DCTN5: variants seen among roughly 807,000 people sequenced by gnomAD.
DCTN5 encodes dynactin 4.
Under a neutral mutation model 23.5 loss-of-function variants are expected in DCTN5, and 14 were observed. The observed-to-expected ratio is 0.60, with a 90% CI of 0.39 to 0.93. DCTN5 has a LOEUF of 0.93. Among genes scored for constraint, DCTN5 ranks in the 40% least tolerant of loss-of-function variants. The pLI is 0.00. For missense variants in DCTN5, 156 were observed against 225.9 expected, an observed-to-expected ratio of 0.69 and a Z score of 1.98; for synonymous variants, 67 against 79.6, an observed-to-expected ratio of 0.84 and a Z score of 0.84.
chr16:23,663,790 C>T (rs1169846673), intron 4 of DCTN5, among the ~76,000 whole-genome samples: 3 of 152,100 alleles, frequency 2.0e-5, no homozygotes, highest in African/African-American at 7.2e-5. Context: ...CTAAGAAATA[C>T]CTACATTTTA....
chr16:23,659,312 A>G (rs1256246575), intron 3 of DCTN5, among the ~76,000 whole-genome samples: 2 of 152,340 alleles, frequency 1.3e-5, no homozygotes, highest in East Asian at 1.9e-4. Flanking sequence ...GGGACAGAGC[A>G]GGCAAACTGA....
At chr16:23,650,857 T>C (rs1216186454) in intron 2 of DCTN5, 5 of 1,437,992 alleles carry the variant, frequency 3.5e-6, no homozygotes, top group Admixed American at 2.0e-5. Context: ...GTGTGAACAA[T>C]AGAGAGTGGT....
rs1440025238 is a variant in DCTN5 at position 23,677,065 on chromosome 16, T to G, written c.*9921T>G. 2 of 152,252 alleles carry G rather than the reference T, an allele frequency of 1.3e-5. No homozygotes were observed. Among genetic ancestry groups the G allele is most frequent in the African/African-American group, 2.4e-5 (1 of 41,460 alleles). The allele number at this position is 152,252 out of a possible 1,614,324, so 9.4% of individuals were successfully genotyped here. On this transcript the variant is annotated 3_prime_UTR_variant, in exon 6 of 6. Transcript: ENST00000300087. ...TTGCACATGGGTTGTCACAACTGAT[T>G]GCTGGAGGAATTGTGTCCTATGTGA... is the stretch of plus-strand genomic sequence containing the variant.
intron 2 of DCTN5, among the ~76,000 whole-genome samples, chr16:23,656,913 C>T (rs1967713730): frequency 6.6e-6 from 1 of 151,634 alleles, no homozygotes; most frequent in African/African-American, 2.4e-5. Flanking sequence ...ATTGCTTGAG[C>T]CTGGGAGGCG....
intron 2 of DCTN5, among the ~76,000 whole-genome samples, chr16:23,645,046 C>G (rs2140970506): frequency 8.2e-6 from 1 of 122,046 alleles, no homozygotes; most frequent in Admixed American, 9.6e-5. Context: ...TCTCAAAGTA[C>G]TGGGATTACA....
intron 2 of DCTN5, among the ~76,000 whole-genome samples, chr16:23,648,344 C>CTTTTTTCTTTTTTTT (rs1446479407): frequency 3.8e-5 from 4 of 105,526 alleles, no homozygotes; most frequent in African/African-American, 1.1e-4. Flanking sequence ...TTTCTTTTTT[C>CTTTTTTCTTTTTTTT]TTTTTTTTTT....
rs1303570587 is a variant in DCTN5 at position 23,671,433 on chromosome 16, C to T, written c.*4289C>T. On this transcript the variant is annotated 3_prime_UTR_variant, in exon 6 of 6. Transcript: ENST00000300087. Reference sequence around the variant, plus strand: ...ATCTTGCCCTTTATAATCAGTCCGCCACAAACAAGAGATGGAGAAATCACC... The same window carrying T: ...ATCTTGCCCTTTATAATCAGTCCGCTACAAACAAGAGATGGAGAAATCACC... 1 of 152,132 alleles carries T rather than the reference C, an allele frequency of 6.6e-6. No homozygotes were observed. Among genetic ancestry groups the T allele is most frequent in the Non-Finnish European group, 1.5e-5 (1 of 68,034 alleles). The allele number at this position is 152,132 out of a possible 1,614,324, so 9.4% of individuals were successfully genotyped here. A position where few individuals can be genotyped will look rare whatever the true frequency, so the allele number is the denominator to read the frequency against.
chr16:23,641,717 AG>A, intron 1 of DCTN5, 127 bp downstream of exon 1: 2 of 964,124 alleles, frequency 2.1e-6, no homozygotes, highest in Non-Finnish European at 3.2e-6. Context: ...CGGATTATCT[AG>A]CGATGCCCCG....
chr16:23,674,795 A>G lies in DCTN5; in HGVS notation c.*7651A>G, dbSNP rs1968064332. The G allele has an allele frequency of 6.6e-6, 1 of 152,222 alleles. No individual in the cohort carries two copies. The highest frequency in any genetic ancestry group is 2.4e-5 in the African/African-American group (1 of 41,462). The allele number at this position is 152,222 out of a possible 1,614,324, so 9.4% of individuals were successfully genotyped here. On this transcript the variant is annotated 3_prime_UTR_variant, in exon 6 of 6. Coordinates refer to ENST00000300087, the MANE Select transcript of DCTN5 (RefSeq NM_032486.4). ...CCACAAACTGAGTGACTTACACAAT[A>G]GAAACTTATTTTCCTGCAGTTCTGG...
At chr16:23,665,591 T>C in intron 4 of DCTN5, 35 bp from the exon 5 acceptor site, 1 of 1,581,788 alleles carries the variant, frequency 6.3e-7, no homozygotes, top group South Asian at 1.1e-5. Flanking sequence ...CACAGTAGAC[T>C]GATCCATTTC....
In DCTN5 at chr16:23,642,048, C is replaced by T. The variant is rs187751496; in HGVS notation, c.48+458C>T. ...CCGGGTTCAAGCGATTCTCCTGCCTCAGCGTCTCGAGTAGCTGGGATTACA... is the reference window on the plus strand; with the variant it reads ...CCGGGTTCAAGCGATTCTCCTGCCTTAGCGTCTCGAGTAGCTGGGATTACA... On this transcript the variant is annotated intron_variant, in intron 1 of 5. Coordinates refer to ENST00000300087, the MANE Select transcript of DCTN5 (RefSeq NM_032486.4). 1.6e-3 allele frequency among the ~76,000 whole-genome samples: 240 copies of T among 152,288 alleles called. 3 individuals carry two copies. The highest frequency in any genetic ancestry group is 5.6e-3 in the African/African-American group (234 of 41,564).
Position 23,667,427 on chromosome 16 carries a change from C to A in DCTN5, c.*283C>A. On this transcript the variant is annotated 3_prime_UTR_variant, in exon 6 of 6. Transcript: ENST00000300087. ...TGTGGAACACAGAATCATCTGTTCCCAACACTCCAGCCCCTTGGTCCTGTG... is the reference window on the plus strand; with the variant it reads ...TGTGGAACACAGAATCATCTGTTCCAAACACTCCAGCCCCTTGGTCCTGTG... The A allele has an allele frequency of 2.5e-6, 1 of 402,496 alleles. No homozygotes were observed. 24.9% of individuals were successfully genotyped at this position (402,496 alleles called of 1,614,324 possible).
chr16:23,647,282 G>A (rs1452150182), intron 2 of DCTN5, among the ~76,000 whole-genome samples: 5 of 151,936 alleles, frequency 3.3e-5, no homozygotes, highest in Admixed American at 1.3e-4. Flanking sequence ...ACAGGCATGC[G>A]CCACCATGCT....
chr16:23,650,667 T>C (rs903369595), intron 2 of DCTN5: 3 of 1,265,882 alleles, frequency 2.4e-6, no homozygotes, highest in African/African-American at 1.5e-5. Context: ...ATTCCACTTA[T>C]CCACCCTCCT....
At chr16:23,656,858 G>T (rs901584765) in intron 2 of DCTN5, among the ~76,000 whole-genome samples, 21 of 152,096 alleles carry the variant, frequency 1.4e-4, no homozygotes, top group African/African-American at 4.8e-4. Flanking sequence ...GGGCATGGTG[G>T]TGGGTGCCTG....
chr16:23,661,117 C>T (rs1472823927), intron 3 of DCTN5, 53 bp from the exon 4 acceptor site: 7 of 1,298,926 alleles, frequency 5.4e-6, no homozygotes, highest in Non-Finnish European at 7.8e-6. Context: ...TAAACCTTGA[C>T]CCAAAGTACA....
intron 2 of DCTN5, among the ~76,000 whole-genome samples, chr16:23,654,869 G>A (rs1967671762): frequency 6.6e-6 from 1 of 152,044 alleles, no homozygotes; most frequent in Admixed American, 6.5e-5. Context: ...TTCTGTGCTT[G>A]GCTTATTTCA....
Position 23,652,716 on chromosome 16 carries a change from T to A in DCTN5, c.118-5791T>A, listed in dbSNP as rs1052933335. ...CAATATAAAACTAATATAGATTAGT[T>A]TTGCATTTTCTGAAGTTTCATATAA... On this transcript the variant is annotated intron_variant, in intron 2 of 5. Transcript: ENST00000300087. Among the ~76,000 whole-genome samples, 15 of 152,328 alleles carry A rather than the reference T, an allele frequency of 9.8e-5. 1 individual carries two copies. The highest frequency in any genetic ancestry group is 4.6e-4 in the Admixed American group (7 of 15,306).
Position 23,667,406 on chromosome 16 carries a change from G to A in DCTN5, c.*262G>A. ...CAGTCACTTTGTACCATTATCTGTG[G>A]AACACAGAATCATCTGTTCCCAACA... On this transcript the variant is annotated 3_prime_UTR_variant, in exon 6 of 6. Coordinates refer to ENST00000300087, the MANE Select transcript of DCTN5 (RefSeq NM_032486.4). The A allele has an allele frequency of 4.2e-6, 2 of 471,620 alleles. No homozygotes were observed. The highest frequency in any genetic ancestry group is 7.7e-6 in the Non-Finnish European group (2 of 258,488). The allele number at this position is 471,620 out of a possible 1,614,324, so 29.2% of individuals were successfully genotyped here.
Sources: gnomAD v4.1 joint callset for allele counts (sites outside exome capture counted in the v4.1 genomes callset) on GRCh38, gnomAD v4.1.1 for gene constraint, MANE v1.5 for transcripts, NCBI Gene and HGNC (gene_info 2026-07-23, HGNC 2026-07-21) for gene names.